The following GNB1 variants were observed in gnomAD, a reference collection of about 807,000 sequenced individuals.
The protein encoded by GNB1 is guanine nucleotide-binding protein G(I)/G(S)/G(T) subunit beta-1.
In GNB1, 2 loss-of-function variants were observed where a neutral mutation model predicts 42.9. The observed-to-expected ratio is 0.05, with a 90% CI of 0.02 to 0.15. GNB1 has a LOEUF of 0.15. Among genes scored for constraint, GNB1 ranks in the 10% least tolerant of loss-of-function variants. GNB1 has a pLI of 1.00. For missense variants in GNB1, 193 were observed against 462.2 expected (o/e 0.42, Z 5.34); for synonymous variants, 183 against 174.7 (o/e 1.05, Z -0.38).
At chr1:1,814,651 T>G (rs1646825834) in intron 5 of GNB1, among the ~76,000 whole-genome samples, 1 of 151,206 alleles carries the variant, frequency 6.6e-6, no homozygotes, top group Non-Finnish European at 1.5e-5. Flanking sequence ...AACCAAAAAA[T>G]ATTAGCCAGG....
chr1:1,836,847 G>A (rs953070632), intron 2 of GNB1, among the ~76,000 whole-genome samples: 26 of 147,726 alleles, frequency 1.8e-4, no homozygotes, highest in Admixed American at 6.1e-4. Context: ...CACCGTGCCC[G>A]ACTGCTAACT....
intron 1 of GNB1, among the ~76,000 whole-genome samples, chr1:1,840,865 G>A (rs886258254): frequency 1.3e-5 from 2 of 152,112 alleles, no homozygotes; most frequent in Non-Finnish European, 2.9e-5. Context: ...TCCAATTCTA[G>A]ATTTCTTCTG....
intron 1 of GNB1, among the ~76,000 whole-genome samples, chr1:1,855,158 CAAA>C (rs35111543): frequency 5.3e-5 from 7 of 133,086 alleles, no homozygotes; most frequent in Admixed American, 7.6e-5. Flanking sequence ...GACCGTATCT[CAAA>C]AAAAAAAAAA....
At chr1:1,866,755 C>G (rs1255878920) in intron 1 of GNB1, among the ~76,000 whole-genome samples, 1 of 149,198 alleles carries the variant, frequency 6.7e-6, no homozygotes, top group Non-Finnish European at 1.5e-5. Flanking sequence ...GAGATCGAGA[C>G]CATCTTGGCT....
chr1:1,803,941 T>A (rs1570639289), intron 7 of GNB1, among the ~76,000 whole-genome samples: 1 of 132,182 alleles, frequency 7.6e-6, no homozygotes, highest in East Asian at 2.4e-4. Flanking sequence ...AAGAATGCGC[T>A]GCTGCACTCC....
chr1:1,835,646 A>G (rs1647136416), intron 2 of GNB1, among the ~76,000 whole-genome samples: 1 of 152,128 alleles, frequency 6.6e-6, no homozygotes, highest in African/African-American at 2.4e-5. Context: ...AATCAGATAG[A>G]TGTGATACTT....
intron 1 of GNB1, among the ~76,000 whole-genome samples, chr1:1,853,494 C>T (rs1416713621): frequency 6.6e-6 from 1 of 152,198 alleles, no homozygotes; most frequent in African/African-American, 2.4e-5. Flanking sequence ...GAAACATGAA[C>T]ATATTTTTGC....
chr1:1,863,520 T>A (rs1648744225), intron 1 of GNB1, among the ~76,000 whole-genome samples: 1 of 152,162 alleles, frequency 6.6e-6, no homozygotes, highest in African/African-American at 2.4e-5. Flanking sequence ...TACTGAAACG[T>A]CTACTTAGGA....
chr1:1,833,108 CCT>C (rs1029949237), intron 2 of GNB1, among the ~76,000 whole-genome samples: 3 of 152,102 alleles, frequency 2.0e-5, no homozygotes, highest in Admixed American at 2.0e-4. Context: ...GCCGCACACC[CCT>C]GAGCCTCCTG....
intron 5 of GNB1, among the ~76,000 whole-genome samples, chr1:1,815,041 G>A (rs1646833883): frequency 6.6e-6 from 1 of 151,380 alleles, no homozygotes; most frequent in Non-Finnish European, 1.5e-5. Context: ...GAACCCGGGA[G>A]GCGGAGCTTG....
intron 5 of GNB1, among the ~76,000 whole-genome samples, chr1:1,813,811 T>A (rs1484051206): frequency 2.5e-4 from 38 of 152,202 alleles, no homozygotes; most frequent in Admixed American, 2.5e-3. Context: ...TTTGAATATT[T>A]AAAAGAATTT....
At chr1:1,874,792 AAAAAAAAAAGAC>A (rs1204874602) in intron 1 of GNB1, among the ~76,000 whole-genome samples, 4 of 147,658 alleles carry the variant, frequency 2.7e-5, no homozygotes, top group Admixed American at 2.0e-4. Context: ...ACCCTGTCTC[AAAAAAAAAAGAC>A]AAAAAAAAAG....
At chr1:1,842,176 A>G (rs965846099) in intron 1 of GNB1, among the ~76,000 whole-genome samples, 3 of 152,220 alleles carry the variant, frequency 2.0e-5, no homozygotes, top group African/African-American at 7.2e-5. Flanking sequence ...CACGCCTGTA[A>G]TCCCAGCACT....
intron 1 of GNB1, among the ~76,000 whole-genome samples, chr1:1,858,148 C>CT (rs1648408221): frequency 6.6e-6 from 1 of 152,140 alleles, no homozygotes; most frequent in African/African-American, 2.4e-5. Context: ...TTTTTCTTTT[C>CT]TTTAAAAGCA....
chr1:1,806,973 C>CAAGA (rs200339069), intron 5 of GNB1, among the ~76,000 whole-genome samples: 15 of 150,816 alleles, frequency 9.9e-5, no homozygotes, highest in Non-Finnish European at 1.3e-4. Context: ...GACTCTGTTT[C>CAAGA]AAGAAAGAAA....
chr1:1,820,525 G>C (rs968707632), intron 3 of GNB1, among the ~76,000 whole-genome samples: 4 of 152,038 alleles, frequency 2.6e-5, no homozygotes, highest in Non-Finnish European at 2.9e-5. Flanking sequence ...AACATTTGGA[G>C]TAAGGGGGAT....
intron 1 of GNB1, among the ~76,000 whole-genome samples, chr1:1,875,842 C>T (rs1278786831): frequency 6.6e-6 from 1 of 152,052 alleles, no homozygotes; most frequent in Non-Finnish European, 1.5e-5. Context: ...CAGTGTCCCC[C>T]CCCCCAAAAT....
At chr1:1,852,958 C>T (rs1480703831) in intron 1 of GNB1, among the ~76,000 whole-genome samples, 1 of 152,154 alleles carries the variant, frequency 6.6e-6, no homozygotes, top group Non-Finnish European at 1.5e-5. Flanking sequence ...AAGCTCTACG[C>T]ACTGCAGCGC....
At chr1:1,791,793 A>G (rs139892262) in intron 8 of GNB1, among the ~76,000 whole-genome samples, 57 of 152,340 alleles carry the variant, frequency 3.7e-4, no homozygotes, top group African/African-American at 1.2e-3. Context: ...AAGATACGTA[A>G]AAGAGTCTGA....
Sources: allele counts gnomAD v4.1 joint callset (sites outside exome capture counted in the v4.1 genomes callset), GRCh38; gene constraint gnomAD v4.1.1; transcripts MANE v1.5; gene names NCBI Gene and HGNC (gene_info 2026-07-23, HGNC 2026-07-21).